Variants in POLE2 observed in about 807,000 individuals in gnomAD.
POLE2 encodes the protein DNA polymerase epsilon subunit 2.
POLE2 carries 56 observed loss-of-function variants against 79.4 expected under a neutral mutation model. The observed-to-expected ratio is 0.71, with a 90% CI of 0.57 to 0.88. The LOEUF (loss-of-function observed/expected upper bound fraction) is 0.88, where lower values mean the gene tolerates loss of function less well. Among genes scored for constraint, POLE2 ranks in the 40% least tolerant of loss-of-function variants. The pLI is 0.00. For synonymous variants in POLE2, 212 were observed against 214.0 expected, an observed-to-expected ratio of 0.99 and a Z score of 0.08; for missense variants, 598 against 638.9, an observed-to-expected ratio of 0.94 and a Z score of 0.69.
chr14:49,655,849 T>C lies in POLE2; in HGVS notation c.756-6A>G, dbSNP rs1884625913. On this transcript the variant is annotated splice_region_variant and splice_polypyrimidine_tract_variant and intron_variant, in intron 10 of 18. Transcript: ENST00000216367. ...TAATATTTCCATAGTATGCCCTAGA[T>C]AATTATAACATAATTATCTTCTATA... The C allele has an allele frequency of 7.3e-7, 1 of 1,368,964 alleles. No homozygotes were observed. Among genetic ancestry groups the C allele is most frequent in the East Asian group, 2.3e-5 (1 of 43,478 alleles). 84.8% of individuals were successfully genotyped at this position (1,368,964 alleles called of 1,614,324 possible).
intron 10 of POLE2, among the ~76,000 whole-genome samples, chr14:49,658,313 T>A (rs1026885940): frequency 1.3e-5 from 2 of 152,088 alleles, no homozygotes; most frequent in African/African-American, 2.4e-5. Context: ...CCTGACCTCG[T>A]GATCCGCCCG....
intron 3 of POLE2, among the ~76,000 whole-genome samples, chr14:49,676,567 C>A (rs1216248293): frequency 6.6e-6 from 1 of 152,244 alleles, no homozygotes; most frequent in Non-Finnish European, 1.5e-5. Flanking sequence ...CCCACTGGAC[C>A]TCCATGTAGG....
At chr14:49,658,372 G>A (rs1033821811) in intron 10 of POLE2, among the ~76,000 whole-genome samples, 7 of 152,074 alleles carry the variant, frequency 4.6e-5, no homozygotes, top group South Asian at 4.2e-4. Context: ...CACCGCGCCC[G>A]GCCCCTCTGG....
chr14:49,650,803 T>C (rs1884166248), intron 16 of POLE2, among the ~76,000 whole-genome samples: 1 of 152,200 alleles, frequency 6.6e-6, no homozygotes, highest in Non-Finnish European at 1.5e-5. Context: ...AAAAATGCTC[T>C]GTAACATCTA....
intron 1 of POLE2, 114 bp from the exon 2 acceptor site, chr14:49,683,807 C>T: frequency 1.7e-6 from 1 of 586,244 alleles, no homozygotes; most frequent in Non-Finnish European, 3.0e-6. Context: ...GAACCACTAA[C>T]TGCTCTCTTC....
intron 6 of POLE2, among the ~76,000 whole-genome samples, chr14:49,666,732 T>C (rs978624133): frequency 2.0e-5 from 3 of 150,830 alleles, no homozygotes; most frequent in Admixed American, 1.3e-4. Context: ...TAGAAAAGAA[T>C]ATCAATTTTA....
At chr14:49,651,087 A>C (rs17121661) in intron 16 of POLE2, among the ~76,000 whole-genome samples, 182 bp downstream of exon 16, 34,631 of 152,162 alleles carry the variant, frequency 0.23, 4,221 homozygotes, top group Admixed American at 0.3. Flanking sequence ...ACATACACTT[A>C]GGTAGAAAGC....
chr14:49,682,640 G>GAAAAAAAAAAAAAAAAAAAAAAAA (rs35984833), intron 2 of POLE2, among the ~76,000 whole-genome samples: 1 of 60,976 alleles, frequency 1.6e-5, no homozygotes, highest in African/African-American at 5.7e-5. Flanking sequence ...CCTTCTCAGG[G>GAAAAAAAAAAAAAAAAAAAAAAAA]AAAAAAAAAA....
Position 49,683,568 on chromosome 14 carries a change from G to A in POLE2, c.169+25C>T, listed in dbSNP as rs368040732. The A allele has an allele frequency of 3.1e-5, 31 of 1,010,156 alleles. No individual in the cohort carries two copies. The African/African-American group carries it at 4.8e-4, about 16-fold the overall frequency. 62.6% of individuals were successfully genotyped at this position (1,010,156 alleles called of 1,614,324 possible). Reference sequence around the variant, plus strand: ...GATGCAGAACTATATTAACAATTTAGGAGTTATCAGAAAATATTACTTACA... The same window carrying A: ...GATGCAGAACTATATTAACAATTTAAGAGTTATCAGAAAATATTACTTACA... On this transcript the variant is annotated intron_variant, in intron 2 of 18. Transcript: ENST00000216367.
chr14:49,675,081 C>G (rs1886170916), intron 3 of POLE2, among the ~76,000 whole-genome samples: 1 of 147,606 alleles, frequency 6.8e-6, no homozygotes, highest in Non-Finnish European at 1.5e-5. Context: ...CTCTTATGAG[C>G]TACAGTATTT....
chr14:49,651,022 C>T (rs947023531), intron 16 of POLE2, among the ~76,000 whole-genome samples: 1 of 152,122 alleles, frequency 6.6e-6, no homozygotes, highest in African/African-American at 2.4e-5. Flanking sequence ...AGGCAAAACA[C>T]GAAGCTTGAA....
At chr14:49,645,149 T>C (rs1189819380) in intron 18 of POLE2, among the ~76,000 whole-genome samples, 1 of 151,828 alleles carries the variant, frequency 6.6e-6, no homozygotes, top group Non-Finnish European at 1.5e-5. Flanking sequence ...TTCCTAAAAG[T>C]GGAATTGTTG....
At position 49,669,516 on chromosome 14, in the gene POLE2, G is replaced by A; in HGVS notation, c.492+8C>T. On this transcript the variant is annotated splice_region_variant and intron_variant, in intron 6 of 18. Transcript: ENST00000216367. The stretch of plus-strand genomic sequence containing the variant: ...ATACCCCCTACATAACTAGGATAAT[G>A]TTCTAACCTGGAATTTGCTTCCGCT... 1 of 1,452,984 alleles carries A rather than the reference G, an allele frequency of 6.9e-7. No homozygotes were observed. Among genetic ancestry groups the A allele is most frequent in the Non-Finnish European group, 9.7e-7 (1 of 1,033,702 alleles). The allele number at this position is 1,452,984 out of a possible 1,614,324, so 90.0% of individuals were successfully genotyped here. A position where few individuals can be genotyped will look rare whatever the true frequency, so the allele number is the denominator to read the frequency against.
chr14:49,665,410 G>A (rs369635133), intron 7 of POLE2, among the ~76,000 whole-genome samples: 2 of 152,200 alleles, frequency 1.3e-5, no homozygotes, highest in East Asian at 3.9e-4. Flanking sequence ...ATGGCAAGAG[G>A]GACATTTGAT....
chr14:49,656,174 T>C (rs574020069), intron 10 of POLE2, among the ~76,000 whole-genome samples: 2 of 151,948 alleles, frequency 1.3e-5, no homozygotes, highest in East Asian at 3.9e-4. Context: ...GCTAACACAG[T>C]GAAACCCCAT....
At chr14:49,679,043 A>G (rs973393069) in intron 3 of POLE2, among the ~76,000 whole-genome samples, 2 of 152,142 alleles carry the variant, frequency 1.3e-5, no homozygotes. Context: ...ATAAGTTCTG[A>G]CAGGGAGAAG....
At chr14:49,676,506 TATA>T (rs1344530832) in intron 3 of POLE2, among the ~76,000 whole-genome samples, 1 of 152,230 alleles carries the variant, frequency 6.6e-6, no homozygotes, top group Non-Finnish European at 1.5e-5. Flanking sequence ...TGTGGTATGA[TATA>T]ATGACTCTCT....
intron 3 of POLE2, chr14:49,677,754 C>A: frequency 3.0e-6 from 4 of 1,320,708 alleles, no homozygotes; most frequent in Non-Finnish European, 4.1e-6. Flanking sequence ...CAAAGCCCCA[C>A]GCATTCTTCA....
chr14:49,647,216 A>G, intron 18 of POLE2, 77 bp downstream of exon 18: 1 of 770,902 alleles, frequency 1.3e-6, no homozygotes, highest in Non-Finnish European at 2.2e-6. Flanking sequence ...ATCCCAACAC[A>G]CTGATAGAAC....
Sources: gnomAD v4.1 joint callset for allele counts (sites outside exome capture counted in the v4.1 genomes callset) on GRCh38, gnomAD v4.1.1 for gene constraint, MANE v1.5 for transcripts, NCBI Gene and HGNC (gene_info 2026-07-23, HGNC 2026-07-21) for gene names.